Variants in PTPRG observed in about 807,000 individuals in gnomAD.
The protein encoded by PTPRG is protein tyrosine phosphatase receptor type G, also known as receptor-type tyrosine-protein phosphatase gamma.
PTPRG carries 102 observed loss-of-function variants against 165.3 expected under a neutral mutation model. That is an observed-to-expected ratio of 0.62 (90% confidence interval 0.53 to 0.73). The LOEUF (loss-of-function observed/expected upper bound fraction) is 0.73, where lower values mean the gene tolerates loss of function less well. PTPRG is among the 30% of genes least tolerant of loss of function. The probability of loss-of-function intolerance (pLI) is 0.00; values close to 1 mark genes in which losing one functional copy is unlikely to be tolerated. For synonymous variants in PTPRG, 675 were observed against 669.5 expected (o/e 1.01, Z -0.13); for missense variants, 1,866 against 1,861.4 (o/e 1.00, Z -0.05).
chr3:62,146,153 ATTTCC>A (rs1209443120), intron 6 of PTPRG, among the ~76,000 whole-genome samples: 1 of 152,216 alleles, frequency 6.6e-6, no homozygotes, highest in Non-Finnish European at 1.5e-5. Flanking sequence ...TGTCATGTTC[ATTTCC>A]TTAATTGTTG....
chr3:62,175,113 C>G (rs1705365478), intron 8 of PTPRG, among the ~76,000 whole-genome samples: 1 of 152,136 alleles, frequency 6.6e-6, no homozygotes, highest in African/African-American at 2.4e-5. Flanking sequence ...CATGATTACT[C>G]TAAGTTTATG....
At chr3:62,046,789 A>T (rs1432170455) in intron 4 of PTPRG, among the ~76,000 whole-genome samples, 1 of 152,076 alleles carries the variant, frequency 6.6e-6, no homozygotes, top group Non-Finnish European at 1.5e-5. Flanking sequence ...GATGTTTGTT[A>T]TTTATCTGGA....
At position 62,137,335 on chromosome 3, in the gene PTPRG, T is replaced by A. The variant is rs76858753; in HGVS notation, c.682+4667T>A. On this transcript the variant is annotated intron_variant, in intron 6 of 29. Transcript: ENST00000474889. Reference sequence around the variant, plus strand: ...TCTGATGTGTTTAAAATCCATTTTTTAAAAAAAAAATCCTGTTTGTGAATC... The same window carrying A: ...TCTGATGTGTTTAAAATCCATTTTTAAAAAAAAAAATCCTGTTTGTGAATC... Among the ~76,000 whole-genome samples the A allele has an allele frequency of 6.8e-3, 1,035 of 151,298 alleles. 8 individuals carry two copies. Among genetic ancestry groups the A allele is most frequent in the African/African-American group, 0.022 (922 of 41,278 alleles).
chr3:62,236,972 G>GGTTTGTTTGTTT (rs374757586), intron 14 of PTPRG, among the ~76,000 whole-genome samples: 126 of 152,164 alleles, frequency 8.3e-4, no homozygotes, highest in African/African-American at 2.9e-3. Flanking sequence ...CTTTTAAGGA[G>GGTTTGTTTGTTT]GTTTGTTTGT....
chr3:62,178,688 C>A (rs1221131607), intron 8 of PTPRG, among the ~76,000 whole-genome samples: 1 of 152,190 alleles, frequency 6.6e-6, no homozygotes, highest in Non-Finnish European at 1.5e-5. Context: ...TGAGCTGATA[C>A]TGGTAGCAGA....
intron 1 of PTPRG, among the ~76,000 whole-genome samples, chr3:61,643,545 C>T (rs1177446625): frequency 3.3e-5 from 5 of 151,922 alleles, no homozygotes; most frequent in African/African-American, 9.7e-5. Flanking sequence ...TTTGGGAGGC[C>T]GAGGCGGTGA....
chr3:62,200,429 C>T (rs1042589310), intron 10 of PTPRG, among the ~76,000 whole-genome samples: 1 of 152,014 alleles, frequency 6.6e-6, no homozygotes, highest in Non-Finnish European at 1.5e-5. Flanking sequence ...CACCACCACA[C>T]CCAGCTAATT....
intron 6 of PTPRG, among the ~76,000 whole-genome samples, chr3:62,147,847 A>C (rs1474907439): frequency 1.3e-5 from 2 of 152,174 alleles, no homozygotes; most frequent in African/African-American, 2.4e-5. Context: ...AAAGGAAATG[A>C]AGGTGTGATG....
At chr3:61,653,593 G>C (rs1702421221) in intron 1 of PTPRG, among the ~76,000 whole-genome samples, 3 of 152,096 alleles carry the variant, frequency 2.0e-5, no homozygotes, top group African/African-American at 7.2e-5. Context: ...CTGTCCTCAT[G>C]GATCTTACAG....
chr3:62,127,457 G>A (rs1368899143), intron 5 of PTPRG, among the ~76,000 whole-genome samples: 2 of 152,224 alleles, frequency 1.3e-5, no homozygotes, highest in African/African-American at 2.4e-5. Context: ...TAACTGCTGG[G>A]GTGGGTGAAT....
At chr3:61,856,688 C>A (rs959762942) in intron 2 of PTPRG, among the ~76,000 whole-genome samples, 1 of 152,202 alleles carries the variant, frequency 6.6e-6, no homozygotes, top group African/African-American at 2.4e-5. Context: ...GTCTCCAGGT[C>A]ATTAACAAAC....
At chr3:61,956,565 T>C (rs1313499383) in intron 2 of PTPRG, among the ~76,000 whole-genome samples, 1 of 152,056 alleles carries the variant, frequency 6.6e-6, no homozygotes, top group Non-Finnish European at 1.5e-5. Context: ...AAAAACCAGC[T>C]CAAGAATTAA....
At chr3:61,595,467 A>G (rs180676052) in intron 1 of PTPRG, among the ~76,000 whole-genome samples, 3 of 152,366 alleles carry the variant, frequency 2.0e-5, no homozygotes, top group Admixed American at 2.0e-4. Context: ...TGCAATTCCA[A>G]GAAAGGGACT....
chr3:61,685,217 A>G (rs1575588857), intron 1 of PTPRG, among the ~76,000 whole-genome samples: 1 of 152,268 alleles, frequency 6.6e-6, no homozygotes, highest in East Asian at 1.9e-4. Flanking sequence ...GGAGGCAGGA[A>G]GAGTTCAAGA....
intron 1 of PTPRG, among the ~76,000 whole-genome samples, chr3:61,670,234 A>T (rs912696752): frequency 8.5e-5 from 13 of 152,234 alleles, no homozygotes; most frequent in Non-Finnish European, 1.5e-5. Flanking sequence ...CTTATGTTCA[A>T]AAACTTGGGA....
intron 14 of PTPRG, among the ~76,000 whole-genome samples, chr3:62,236,395 A>C (rs540273220): frequency 4.6e-5 from 7 of 152,354 alleles, no homozygotes; most frequent in Non-Finnish European, 1.0e-4. Flanking sequence ...TCAACTTTCT[A>C]TTTGTAAGTG....
At chr3:62,036,965 G>T (rs940925225) in intron 4 of PTPRG, among the ~76,000 whole-genome samples, 3 of 125,684 alleles carry the variant, frequency 2.4e-5, no homozygotes, top group Non-Finnish European at 5.0e-5. Context: ...CCTCAGTGCT[G>T]CACGTGCGCG....
chr3:61,634,404 A>AT (rs1180236130), intron 1 of PTPRG, among the ~76,000 whole-genome samples: 1 of 151,634 alleles, frequency 6.6e-6, no homozygotes, highest in Non-Finnish European at 1.5e-5. Flanking sequence ...CGCCCGGCTA[A>AT]TTTTTTTGTA....
intron 1 of PTPRG, among the ~76,000 whole-genome samples, chr3:61,732,518 A>AGTGAGCCAAGATCACTCCACTGCACTC (rs1462374818): frequency 6.8e-6 from 1 of 148,016 alleles, no homozygotes; most frequent in African/African-American, 2.6e-5. Context: ...CGGAGCTTGC[A>AGTGAGCCAAGATCACTCCACTGCACTC]CTAACACGGT....
Sources: allele counts gnomAD v4.1 joint callset (sites outside exome capture counted in the v4.1 genomes callset), GRCh38; gene constraint gnomAD v4.1.1; transcripts MANE v1.5; gene names NCBI Gene and HGNC (gene_info 2026-07-23, HGNC 2026-07-21).